The following HMGXB3 variants were observed in gnomAD, a reference collection of about 807,000 sequenced individuals.
HMGXB3 encodes the protein HMG domain-containing protein 3.
A neutral mutation model predicts 121.5 loss-of-function variants in HMGXB3; 45 were observed. The observed-to-expected ratio is 0.37, with a 90% confidence interval of 0.29 to 0.47. The LOEUF is 0.47. Among genes scored for constraint, HMGXB3 ranks in the 20% least tolerant of loss-of-function variants. HMGXB3 has a pLI of 0.99. For missense variants in HMGXB3, 1,376 were observed against 1,602.2 expected (o/e 0.86, Z 2.41); for synonymous variants, 590 against 624.1 (o/e 0.95, Z 0.81).
chr5:150,045,204 G>T (rs1756729555), intron 15 of HMGXB3, among the ~76,000 whole-genome samples: 3 of 152,216 alleles, frequency 2.0e-5, no homozygotes, highest in Admixed American at 1.3e-4. Flanking sequence ...CAGGGAAAAT[G>T]ACATAAACAA....
chr5:150,008,131 C>G (rs774603431), intron 3 of HMGXB3, among the ~76,000 whole-genome samples: 4 of 150,934 alleles, frequency 2.7e-5, no homozygotes, highest in Non-Finnish European at 5.9e-5. Flanking sequence ...TGATAAAATC[C>G]TACGTAATCC....
chr5:150,025,550 T>C (rs1456035266), intron 7 of HMGXB3, among the ~76,000 whole-genome samples: 1 of 152,034 alleles, frequency 6.6e-6, no homozygotes, highest in Non-Finnish European at 1.5e-5. Flanking sequence ...TACTTCTACA[T>C]CTTGTTTTTT....
chr5:150,036,992 C>G, intron 12 of HMGXB3, 55 bp downstream of exon 12: 1 of 1,377,230 alleles, frequency 7.3e-7, no homozygotes, highest in Non-Finnish European at 9.8e-7. Flanking sequence ...GCTCATACTG[C>G]TCTTTTCTTC....
Position 150,040,769 on chromosome 5 carries a change from A to G in HMGXB3, c.2435A>G (p.Lys812Arg). The G allele has an allele frequency of 6.4e-7, 1 of 1,552,116 alleles. No homozygotes were observed. The highest frequency in any genetic ancestry group is 1.2e-5 in the South Asian group (1 of 84,018). ...IYTGLFNVGNKLLVSLDLLFA... is the reference protein window; with the variant it reads ...IYTGLFNVGNRLLVSLDLLFA... ...GCAGGTCTCTTTAATGTGGGGAACA[A>G]GCTGCTGGTAAGCCTGGACTTGCTT... is the stretch of plus-strand genomic sequence containing the variant. The change falls in exon 14 of 20, where the codon AAG becomes AGG. Residue 812 changes from lysine (K) to arginine (R), a missense_variant. Physicochemically the swap from Lys to Arg is conservative, Grantham distance 26 (BLOSUM62 2). This residue lies in a region of HMGXB3 where 1,116 missense variants were observed against 1,369.0 expected (regional missense o/e 0.82). Transcript: ENST00000502717.
intron 3 of HMGXB3, 147 bp downstream of exon 3, chr5:150,006,794 C>A: frequency 1.5e-6 from 1 of 688,668 alleles, no homozygotes; most frequent in Non-Finnish European, 2.4e-6. Flanking sequence ...TGCTTGTTTC[C>A]ATTTTGATAA....
At chr5:150,047,801 G>A (rs1299857102) in intron 17 of HMGXB3, 44 bp downstream of exon 17, 3 of 1,548,146 alleles carry the variant, frequency 1.9e-6, no homozygotes, top group South Asian at 1.2e-5. Context: ...TTCTGGAGTA[G>A]GCTGATTGGT....
rs762777404 is a variant in HMGXB3, at chr5:150,010,438, G to C, written c.640G>C (p.Val214Leu). ...IATSEILSQD[V>L]LLEDASLEVG... is the part of the protein sequence containing the mutation. Reference sequence around the variant, plus strand: ...CACCTCAGAGATCCTCAGCCAGGATGTGCTCCTAGAGGACGCTTCCCTAGA... The same window carrying C: ...CACCTCAGAGATCCTCAGCCAGGATCTGCTCCTAGAGGACGCTTCCCTAGA... The change falls in exon 4 of 20, where the codon GTG (valine) becomes CTG (leucine). Residue 214 changes from valine (V) to leucine (L), a missense_variant. By Grantham distance (32) the Val-to-Leu change is conservative (BLOSUM62 1). This residue lies in a region of HMGXB3 where 1,116 missense variants were observed against 1,369.0 expected (regional missense o/e 0.82). Transcript: ENST00000502717. 4.5e-6 allele frequency: 7 copies of C among 1,551,544 alleles called. No individual in the cohort carries two copies. The African/African-American group carries it at 9.6e-5, about 21-fold the overall frequency.
chr5:150,032,621 A>G lies in HMGXB3; in HGVS notation c.1983+18A>G, dbSNP rs777106802. 15 of 1,551,994 alleles carry G rather than the reference A, an allele frequency of 9.7e-6. No homozygotes were observed. Among genetic ancestry groups the G allele is most frequent in the South Asian group, 4.8e-5 (4 of 84,050 alleles). ...AGGCTATCGTGAGTTCCTTCCCCCA[A>G]ACACATCCCCTGGCCTGTTCTGGGC... On this transcript the variant is annotated intron_variant, in intron 11 of 19. Transcript: ENST00000502717.
intron 7 of HMGXB3, 116 bp from the exon 8 acceptor site, chr5:150,026,590 A>G: frequency 1.2e-6 from 1 of 855,688 alleles, no homozygotes; most frequent in Non-Finnish European, 1.8e-6. Flanking sequence ...AATCTGTCTA[A>G]AGCTTGACAG....
At chr5:150,026,044 A>G (rs528078775) in intron 7 of HMGXB3, among the ~76,000 whole-genome samples, 46 of 151,510 alleles carry the variant, frequency 3.0e-4, no homozygotes, top group Non-Finnish European at 5.6e-4. Flanking sequence ...GTTAGCCAGG[A>G]TGGTCTTGAT....
chr5:150,014,871 T>C (rs1581249692), intron 5 of HMGXB3: 1 of 609,392 alleles, frequency 1.6e-6, no homozygotes, highest in Non-Finnish European at 2.7e-6. Flanking sequence ...ACTGGAGCAA[T>C]TTTCGGAGCT....
rs1405513363 is a variant in HMGXB3, at chr5:150,036,655, C to T, written c.2003C>T (p.Pro668Leu). 4.5e-6 allele frequency: 7 copies of T among 1,548,256 alleles called. No individual in the cohort carries two copies. Among genetic ancestry groups the T allele is most frequent in the Non-Finnish European group, 5.2e-6 (6 of 1,145,622 alleles). ...TKAIEVSSPL[P>L]DVLNATEPLS... ...TCCCAGGAGGTGAGCTCACCACTCC[C>T]AGATGTACTGAATGCCACAGAGCCC... Residue 668 changes from proline to leucine, a missense_variant, in exon 12 of 20, where the codon CCA becomes CTA. Transcript: ENST00000502717.
chr5:150,052,249 T>C lies in HMGXB3; in HGVS notation c.*57T>C. The C allele has an allele frequency of 7.3e-7, 1 of 1,365,312 alleles. No homozygotes were observed. The highest frequency in any genetic ancestry group is 1.4e-5 in the South Asian group (1 of 72,940). The allele number at this position is 1,365,312 out of a possible 1,614,324, so 84.6% of individuals were successfully genotyped here. A position where few individuals can be genotyped will look rare whatever the true frequency, so the allele number is the denominator to read the frequency against. Reference sequence around the variant, plus strand: ...CTCAAGCCATAGTAAGGCCCTTGCCTGAGGCAGAGCTATCCAGGGGACCTG... The same window carrying C: ...CTCAAGCCATAGTAAGGCCCTTGCCCGAGGCAGAGCTATCCAGGGGACCTG... On this transcript the variant is annotated 3_prime_UTR_variant, in exon 20 of 20. Coordinates refer to ENST00000502717, the MANE Select transcript of HMGXB3 (RefSeq NM_014983.3).
chr5:150,051,896 C>T lies in HMGXB3; in HGVS notation c.3583C>T (p.Pro1195Ser), dbSNP rs185108419. 8.4e-6 allele frequency: 13 copies of T among 1,551,902 alleles called. No homozygotes were observed. Among genetic ancestry groups the T allele is most frequent in the Admixed American group, 2.0e-5 (1 of 51,016 alleles). Residue 1195 changes from proline (P) to serine (S), a missense_variant, in exon 20 of 20, where the codon CCT (proline) becomes TCT (serine). Pro to Ser is a moderately conservative substitution (Grantham distance 74). Around this residue, in one of 2 missense-constraint regions of HMGXB3, gnomAD observed 260 missense variants for 233.2 expected, o/e 1.11. Coordinates refer to ENST00000502717, the MANE Select transcript of HMGXB3 (RefSeq NM_014983.3). Reference protein sequence around the residue: ...SAGHHSLALCPELAPYATILA... With the variant: ...SAGHHSLALCSELAPYATILA... Reference sequence around the variant, plus strand: ...TGGGCACCACTCCTTGGCCCTGTGCCCTGAATTGGCACCTTACGCAACCAT... The same window carrying T: ...TGGGCACCACTCCTTGGCCCTGTGCTCTGAATTGGCACCTTACGCAACCAT...
chr5:150,052,385 T>C lies in HMGXB3; in HGVS notation c.*193T>C, dbSNP rs538402081. On this transcript the variant is annotated 3_prime_UTR_variant, in exon 20 of 20. Coordinates refer to ENST00000502717, the MANE Select transcript of HMGXB3 (RefSeq NM_014983.3). ...TCCTCAGTTCTCAACCCTCCAGGGG[T>C]CAGGAGTGGTACCAGGAAACCTCTT... The C allele has an allele frequency of 3.8e-5, 22 of 583,392 alleles. No individual in the cohort carries two copies. The East Asian group carries it at 5.9e-4, about 16-fold the overall frequency. The allele number at this position is 583,392 out of a possible 1,614,324, so 36.1% of individuals were successfully genotyped here.
At chr5:150,021,319 A>G (rs1022387634) in intron 6 of HMGXB3, among the ~76,000 whole-genome samples, 30 of 152,216 alleles carry the variant, frequency 2.0e-4, no homozygotes, top group African/African-American at 6.5e-4. Flanking sequence ...GTTTCCAGCT[A>G]AGGAAAAATA....
At position 150,024,663 on chromosome 5, in the gene HMGXB3, T is replaced by C. The variant is rs1756184222; in HGVS notation, c.1443T>C (p.Ala481=). 6.5e-7 allele frequency: 1 copy of C among 1,546,558 alleles called. No individual in the cohort carries two copies. Among genetic ancestry groups the C allele is most frequent in the Non-Finnish European group, 8.7e-7 (1 of 1,144,472 alleles). ...CAAGTACCTCCAGTCCACTCCCTGCTCCTAAAAAACCTACAGGGTAAGTCA... is the reference window on the plus strand; with the variant it reads ...CAAGTACCTCCAGTCCACTCCCTGCCCCTAAAAAACCTACAGGGTAAGTCA... ...EGTSTSSPLP[A]PKKPTGADLL... is the part of the protein sequence containing the mutation. The change falls in exon 7 of 20, where the codon GCT becomes GCC. Residue 481 remains alanine, a synonymous_variant. Transcript: ENST00000502717.
chr5:150,047,429 C>T (rs1756783722), intron 16 of HMGXB3, 195 bp from the exon 17 acceptor site: 1 of 598,276 alleles, frequency 1.7e-6, no homozygotes, highest in Non-Finnish European at 2.9e-6. Context: ...TCAGATGTTC[C>T]AGGGCAGAAA....
chr5:150,022,815 CTCT>C (rs1369187634), intron 6 of HMGXB3, among the ~76,000 whole-genome samples: 1 of 109,108 alleles, frequency 9.2e-6, no homozygotes, highest in African/African-American at 3.0e-5. Context: ...CTGTTACTGG[CTCT>C]TTTTTTTTTT....
Sources: gnomAD v4.1 joint callset for allele counts (sites outside exome capture counted in the v4.1 genomes callset) on GRCh38, gnomAD v4.1.1 for gene constraint, gnomAD v4.1.1 regional missense constraint, MANE v1.5 for transcripts, NCBI Gene and HGNC (gene_info 2026-07-23, HGNC 2026-07-21) for gene names.